ATF7IP: variants seen among roughly 807,000 people sequenced by gnomAD.
ATF7IP encodes activating transcription factor 7 interacting protein.
ATF7IP carries 23 observed loss-of-function variants against 106.4 expected under a neutral mutation model. That is an observed-to-expected ratio of 0.22 (90% CI 0.16 to 0.31). The LOEUF (loss-of-function observed/expected upper bound fraction) is 0.31. Ranked by LOEUF, ATF7IP falls within the 10% of genes least tolerant of loss-of-function variation. The pLI, the probability that ATF7IP is intolerant of heterozygous loss-of-function variation, is 1.00. For missense variants in ATF7IP, 1,334 were observed against 1,524.3 expected, an observed-to-expected ratio of 0.88 and a Z score of 2.08; for synonymous variants, 542 against 539.0, an observed-to-expected ratio of 1.01 and a Z score of -0.08.
intron 9 of ATF7IP, chr12:14,466,238 A>G: frequency 3.7e-6 from 1 of 269,634 alleles, no homozygotes; most frequent in South Asian, 9.5e-5. Flanking sequence ...TCATGTTAGA[A>G]CATTTAAGTT....
chr12:14,457,811 T>C (rs1205274668), intron 8 of ATF7IP, among the ~76,000 whole-genome samples: 1 of 152,170 alleles, frequency 6.6e-6, no homozygotes, highest in Non-Finnish European at 1.5e-5. Context: ...AAAATAATAG[T>C]AGGCTGGGCT....
intron 1 of ATF7IP, among the ~76,000 whole-genome samples, chr12:14,421,590 T>C (rs1186837657): frequency 6.6e-6 from 1 of 152,220 alleles, no homozygotes; most frequent in African/African-American, 2.4e-5. Flanking sequence ...ACACCAATTG[T>C]ATTGGATTAG....
chr12:14,445,054 C>T (rs567573063), intron 5 of ATF7IP, among the ~76,000 whole-genome samples: 9 of 142,484 alleles, frequency 6.3e-5, no homozygotes, highest in African/African-American at 2.4e-4. Context: ...TGCAGTGGTG[C>T]GATCTCGGCT....
At chr12:14,367,970 G>A (rs746038622) in intron 1 of ATF7IP, among the ~76,000 whole-genome samples, 2 of 151,962 alleles carry the variant, frequency 1.3e-5, no homozygotes, top group African/African-American at 4.8e-5. Context: ...TGAATACCAA[G>A]TTACTGAAGT....
chr12:14,390,316 T>A lies in ATF7IP; in HGVS notation c.-8+24489T>A, dbSNP rs1022756476. On this transcript the variant is annotated intron_variant, in intron 1 of 14. Transcript: ENST00000261168. ...AAGATATGGCACCTTTTGTAACCTT[T>A]CACTTTGTCCTAATTTTATATAGAG... is the stretch of plus-strand genomic sequence containing the variant. Among the ~76,000 whole-genome samples, 6 of 152,366 alleles carry A rather than the reference T, an allele frequency of 3.9e-5. No homozygotes were observed. In the East Asian group the frequency reaches 1.2e-3, roughly 29 times the overall value.
rs1051590433 is a variant in ATF7IP, at chr12:14,502,766, T to C, written c.*4693T>C. 6.6e-6 allele frequency: 1 copy of C among 152,116 alleles called. No homozygotes were observed. Among genetic ancestry groups the C allele is most frequent in the Non-Finnish European group, 1.5e-5 (1 of 68,016 alleles). 9.4% of individuals were successfully genotyped at this position (152,116 alleles called of 1,614,324 possible). ...AACTGGGCTCCAGCAAGTGGCCCTA[T>C]TTTTATTAGGGTTTTGAAGGTTTGT... On this transcript the variant is annotated 3_prime_UTR_variant, in exon 15 of 15. Transcript: ENST00000261168.
chr12:14,448,882 T>G (rs1176877131), intron 6 of ATF7IP, among the ~76,000 whole-genome samples: 1 of 152,198 alleles, frequency 6.6e-6, no homozygotes, highest in Non-Finnish European at 1.5e-5. Flanking sequence ...AGTTTTGATT[T>G]GCATTTCTCT....
chr12:14,423,178 C>T (rs1044508804), intron 1 of ATF7IP, among the ~76,000 whole-genome samples: 3 of 152,004 alleles, frequency 2.0e-5, no homozygotes, highest in Admixed American at 1.3e-4. Context: ...TTAGGGGTCT[C>T]TTTCTGGAAA....
intron 13 of ATF7IP, chr12:14,481,542 A>C (rs1944428967): frequency 2.5e-6 from 1 of 393,072 alleles, no homozygotes; most frequent in Non-Finnish European, 4.9e-6. Context: ...TCAATTAAAA[A>C]ATAGTTTTCA....
At chr12:14,456,369 A>G (rs1943424311) in intron 6 of ATF7IP, among the ~76,000 whole-genome samples, 192 bp from the exon 7 acceptor site, 1 of 152,234 alleles carries the variant, frequency 6.6e-6, no homozygotes, top group Non-Finnish European at 1.5e-5. Flanking sequence ...AGCAAAGTAA[A>G]TGATTTGCTT....
intron 1 of ATF7IP, among the ~76,000 whole-genome samples, chr12:14,420,978 C>G (rs1292666379): frequency 1.3e-5 from 2 of 152,150 alleles, no homozygotes; most frequent in East Asian, 3.9e-4. Flanking sequence ...GTCCTTAAAG[C>G]AATTTTGTTT....
rs1258639068 is a variant in ATF7IP, at chr12:14,502,416, C to A, written c.*4343C>A. On this transcript the variant is annotated 3_prime_UTR_variant, in exon 15 of 15. Transcript: ENST00000261168. Reference sequence around the variant, plus strand: ...AATGCAAACACATGTTTTGTTTTCTCATTTTCAAATAATTTACCATGTTAA... The same window carrying A: ...AATGCAAACACATGTTTTGTTTTCTAATTTTCAAATAATTTACCATGTTAA... 1 of 126,490 alleles carries A rather than the reference C, an allele frequency of 7.9e-6. No homozygotes were observed. The highest frequency in any genetic ancestry group is 3.0e-4 in the East Asian group (1 of 3,282). The allele number at this position is 126,490 out of a possible 1,614,324, so 7.8% of individuals were successfully genotyped here. A position where few individuals can be genotyped will look rare whatever the true frequency, so the allele number is the denominator to read the frequency against.
At chr12:14,397,397 G>C (rs1939911037) in intron 1 of ATF7IP, among the ~76,000 whole-genome samples, 1 of 152,166 alleles carries the variant, frequency 6.6e-6, no homozygotes, top group African/African-American at 2.4e-5. Context: ...TGGTCAGGTA[G>C]TTTCTAATAT....
intron 1 of ATF7IP, among the ~76,000 whole-genome samples, chr12:14,396,125 A>G (rs1939826491): frequency 6.6e-6 from 1 of 152,172 alleles, no homozygotes; most frequent in South Asian, 2.1e-4. Flanking sequence ...GTGGGTGAAG[A>G]GTTGAATAGC....
intron 1 of ATF7IP, among the ~76,000 whole-genome samples, chr12:14,410,695 T>C (rs1940865164): frequency 6.6e-6 from 1 of 152,198 alleles, no homozygotes; most frequent in Admixed American, 6.5e-5. Context: ...ATTGTTCTAT[T>C]TTATTATTAG....
At chr12:14,411,198 C>T (rs1173250479) in intron 1 of ATF7IP, among the ~76,000 whole-genome samples, 1 of 152,124 alleles carries the variant, frequency 6.6e-6, no homozygotes, top group Non-Finnish European at 1.5e-5. Flanking sequence ...TATTGTGGAA[C>T]TGCCTGTTTT....
At chr12:14,426,850 A>AAAAAAAAAAAT (rs1565502014) in intron 2 of ATF7IP, among the ~76,000 whole-genome samples, 13 of 49,250 alleles carry the variant, frequency 2.6e-4, no homozygotes, top group African/African-American at 3.6e-4. Flanking sequence ...AAAAAAAAAA[A>AAAAAAAAAAAT]GGATGGCTTT....
chr12:14,368,428 G>A (rs542748675), intron 1 of ATF7IP, among the ~76,000 whole-genome samples: 2 of 152,016 alleles, frequency 1.3e-5, no homozygotes, highest in South Asian at 4.2e-4. Context: ...ACATATTATT[G>A]TTATCTCTAA....
At chr12:14,473,200 C>T (rs576355942) in intron 10 of ATF7IP, among the ~76,000 whole-genome samples, 1 of 150,462 alleles carries the variant, frequency 6.6e-6, no homozygotes, top group African/African-American at 2.5e-5. Context: ...TTCTGTGTAC[C>T]TTCTTTCCTG....
Sources: gnomAD v4.1 joint callset for allele counts (sites outside exome capture counted in the v4.1 genomes callset) on GRCh38, gnomAD v4.1.1 for gene constraint, MANE v1.5 for transcripts, NCBI Gene and HGNC (gene_info 2026-07-23, HGNC 2026-07-21) for gene names.